SYCP2: variants seen among roughly 807,000 people sequenced by gnomAD.
SYCP2 encodes synaptonemal complex protein 2, also known as synaptonemal complex lateral element protein.
SYCP2 carries 55 observed loss-of-function variants against 211.3 expected under a neutral mutation model. That is an observed-to-expected ratio of 0.26 (90% confidence interval 0.21 to 0.33). The LOEUF (loss-of-function observed/expected upper bound fraction) is 0.33, where lower values mean the gene tolerates loss of function less well. Ranked by LOEUF, SYCP2 falls within the 10% of genes least tolerant of loss-of-function variation. The pLI is 1.00. For synonymous variants in SYCP2, 570 were observed against 555.2 expected (o/e 1.03, Z -0.37); for missense variants, 1,731 against 1,752.0 (o/e 0.99, Z 0.21).
At chr20:59,887,618 T>C (rs1187343020) in intron 24 of SYCP2, among the ~76,000 whole-genome samples, 2 of 152,100 alleles carry the variant, frequency 1.3e-5, no homozygotes, top group Non-Finnish European at 2.9e-5. Context: ...CCACCAACAG[T>C]GTAAAAGTGT....
intron 24 of SYCP2, among the ~76,000 whole-genome samples, chr20:59,888,118 A>T (rs2059832255): frequency 6.6e-6 from 1 of 152,096 alleles, no homozygotes; most frequent in South Asian, 2.1e-4. Flanking sequence ...ACAATCTTCT[A>T]CAAGATAGAA....
rs765645305 is a variant in SYCP2, at chr20:59,901,685, T to A, written c.1159A>T (p.Ile387Phe). The A allele has an allele frequency of 6.3e-7, 1 of 1,580,448 alleles. No homozygotes were observed. Among genetic ancestry groups the A allele is most frequent in the Non-Finnish European group, 8.6e-7 (1 of 1,161,520 alleles). The change falls in exon 16 of 45, where the codon ATT (isoleucine) becomes TTT (phenylalanine). Residue 387 changes from isoleucine (I) to phenylalanine (F), a missense_variant. By Grantham distance (21) the Ile-to-Phe change is conservative. Around this residue, in one of 3 missense-constraint regions of SYCP2, gnomAD observed 1,387 missense variants for 1,351.3 expected, o/e 1.03. Transcript: ENST00000357552. ...ACCCTATGTTTAGTTGCACCAAAAA[T>A]TTTTTGAGTTACATTAGTGATTTCT... The part of the protein sequence containing the change: ...SLEITNVTQK[I>F]FGATKHRESI...
At chr20:59,877,620 C>T in intron 32 of SYCP2, 65 bp from the exon 33 acceptor site, 1 of 1,401,470 alleles carries the variant, frequency 7.1e-7, no homozygotes, top group East Asian at 2.4e-5. Flanking sequence ...AAGCAATTTG[C>T]TATAAAATTG....
At chr20:59,868,972 C>A in intron 36 of SYCP2, 47 bp from the exon 37 acceptor site, 1 of 1,381,720 alleles carries the variant, frequency 7.2e-7, no homozygotes, top group South Asian at 1.2e-5. Context: ...AAATATATTT[C>A]AATTCACATT....
Position 59,880,649 on chromosome 20 carries a change from C to G in SYCP2, c.2773-178G>C, listed in dbSNP as rs182605127. Among the ~76,000 whole-genome samples, 13 of 151,692 alleles carry G rather than the reference C, an allele frequency of 8.6e-5. No individual in the cohort carries two copies. The East Asian group carries it at 2.3e-3, about 27-fold the overall frequency. ...GCATTAATAACCTATCCAAGAAAGTCACTTGGAAAACCAGATCAGATAATG... is the reference window on the plus strand; with the variant it reads ...GCATTAATAACCTATCCAAGAAAGTGACTTGGAAAACCAGATCAGATAATG... On this transcript the variant is annotated intron_variant, in intron 30 of 44. Transcript: ENST00000357552.
In SYCP2 at chr20:59,892,385, A is replaced by G. The variant is rs1162161257; in HGVS notation, c.1969T>C (p.Ser657Pro). Residue 657 changes from serine to proline, a missense_variant, in exon 24 of 45, where the codon TCT (serine) becomes CCT (proline). Ser to Pro is a moderately conservative substitution (Grantham distance 74). Around this residue, in one of 3 missense-constraint regions of SYCP2, gnomAD observed 1,387 missense variants for 1,351.3 expected, o/e 1.03. Transcript: ENST00000357552. Reference sequence around the variant, plus strand: ...TCAGAATTATGATCAGATATTGAAGAGGATGATTTTTGTTTAGTAAGTTTT... The same window carrying G: ...TCAGAATTATGATCAGATATTGAAGGGGATGATTTTTGTTTAGTAAGTTTT... Reference protein sequence around the residue: ...NKKLTKQKSSSSISDHNSEGT... With the variant: ...NKKLTKQKSSPSISDHNSEGT... 6.4e-7 allele frequency: 1 copy of G among 1,567,080 alleles called. No homozygotes were observed. The highest frequency in any genetic ancestry group is 8.7e-7 in the Non-Finnish European group (1 of 1,152,868).
chr20:59,892,188 A>C lies in SYCP2; in HGVS notation c.2166T>G (p.Thr722=), dbSNP rs1024578270. The C allele has an allele frequency of 3.7e-6, 6 of 1,612,602 alleles. No homozygotes were observed. The African/African-American group carries it at 8.0e-5, about 22-fold the overall frequency. Residue 722 remains threonine, a synonymous_variant, in exon 24 of 45, where the codon ACT becomes ACG. Transcript: ENST00000357552. ...KQSDWPVESE[T]TFKSVLLNKT... ...TATTTAGGAGAACCGATTTAAAAGT[A>C]GTTTCAGATTCAACAGGCCAATCAC...
chr20:59,882,381 A>G (rs895351006), intron 26 of SYCP2, among the ~76,000 whole-genome samples: 1 of 152,138 alleles, frequency 6.6e-6, no homozygotes. Context: ...ACCACTGTGA[A>G]TAACAGTGTG....
chr20:59,895,636 T>TA (rs1190982108), intron 19 of SYCP2, 39 bp from the exon 20 acceptor site: 16 of 1,602,696 alleles, frequency 1.0e-5, no homozygotes, highest in Non-Finnish European at 1.4e-5. Context: ...TTTCTTTTTT[T>TA]ACCTATTGCT....
chr20:59,905,482 A>C (rs976789864), intron 15 of SYCP2, among the ~76,000 whole-genome samples: 9 of 152,170 alleles, frequency 5.9e-5, no homozygotes, highest in Admixed American at 3.9e-4. Context: ...TTTTTAAAAA[A>C]GTGTTCTAAA....
At chr20:59,884,890 T>A (rs1378098596) in intron 26 of SYCP2, among the ~76,000 whole-genome samples, 1 of 151,620 alleles carries the variant, frequency 6.6e-6, no homozygotes, top group Non-Finnish European at 1.5e-5. Flanking sequence ...CAAAAATAAA[T>A]AAAAATTTAA....
chr20:59,881,698 T>C (rs1397037802), intron 28 of SYCP2, among the ~76,000 whole-genome samples: 2 of 151,016 alleles, frequency 1.3e-5, no homozygotes, highest in Non-Finnish European at 3.0e-5. Flanking sequence ...AAGGTGATTT[T>C]CTTGGTAGTG....
intron 24 of SYCP2, among the ~76,000 whole-genome samples, chr20:59,887,321 A>G (rs1426837409): frequency 1.3e-5 from 2 of 152,204 alleles, no homozygotes; most frequent in East Asian, 3.8e-4. Flanking sequence ...TACAAAGGAC[A>G]TGAACTCATC....
At chr20:59,866,269 T>TA in intron 41 of SYCP2, 24 bp downstream of exon 41, 1 of 1,491,096 alleles carries the variant, frequency 6.7e-7, no homozygotes, top group Non-Finnish European at 9.1e-7. Flanking sequence ...TAAACTTATT[T>TA]AAAAAATTTT....
intron 1 of SYCP2, among the ~76,000 whole-genome samples, chr20:59,932,825 G>A (rs1258342908): frequency 6.6e-6 from 1 of 152,270 alleles, no homozygotes; most frequent in African/African-American, 2.4e-5. Flanking sequence ...GGAGGGGCTG[G>A]CGGCCTCAAC....
chr20:59,865,345 CATT>C, intron 44 of SYCP2, 40 bp downstream of exon 44: 2 of 1,478,072 alleles, frequency 1.4e-6, no homozygotes, highest in Non-Finnish European at 1.9e-6. Flanking sequence ...AAACAAAAGA[CATT>C]AAAGTATGAT....
intron 7 of SYCP2, among the ~76,000 whole-genome samples, chr20:59,917,997 C>A (rs566314527): frequency 1.4e-4 from 22 of 152,296 alleles, no homozygotes; most frequent in African/African-American, 5.1e-4. Flanking sequence ...CAAAGGTGAA[C>A]ATCATTCACT....
intron 7 of SYCP2, 78 bp from the exon 8 acceptor site, chr20:59,916,649 G>C: frequency 1.0e-6 from 1 of 971,244 alleles, no homozygotes; most frequent in South Asian, 1.4e-5. Context: ...ATAAGAGTTA[G>C]TGGAAAGGGG....
chr20:59,875,793 T>C (rs190165484), intron 33 of SYCP2, among the ~76,000 whole-genome samples: 142 of 152,098 alleles, frequency 9.3e-4, no homozygotes, highest in Non-Finnish European at 1.5e-3. Context: ...AAGGAGTTTG[T>C]GAAAGAAGGT....
Sources: gnomAD v4.1 joint callset for allele counts (sites outside exome capture counted in the v4.1 genomes callset) on GRCh38, gnomAD v4.1.1 for gene constraint, gnomAD v4.1.1 regional missense constraint, MANE v1.5 for transcripts, NCBI Gene and HGNC (gene_info 2026-07-23, HGNC 2026-07-21) for gene names.